NEMP2: variants seen among roughly 807,000 people sequenced by gnomAD.
The protein encoded by NEMP2 is nuclear envelope integral membrane protein 2.
A neutral mutation model predicts 54.2 loss-of-function variants in NEMP2; 53 were observed. That is an observed-to-expected ratio of 0.98 (90% CI 0.78 to 1.23). The LOEUF is 1.23. Ranked by LOEUF, NEMP2 falls within the 50% of genes most tolerant of loss-of-function variation. The pLI, the probability that NEMP2 is intolerant of heterozygous loss-of-function variation, is 0.00. For synonymous variants in NEMP2, 197 were observed against 190.3 expected (o/e 1.04, Z -0.29); for missense variants, 455 against 511.3 (o/e 0.89, Z 1.06).
the NEMP2 span, chr2:190,469,752 T>TA: frequency 1.4e-6 from 2 of 1,447,842 alleles, no homozygotes; most frequent in Non-Finnish European, 1.8e-6. The surrounding 1 kb of genome is among the most constrained non-coding windows in gnomAD (Gnocchi z 5.3). Flanking sequence ...TTTTATTTTT[T>TA]TTTAGGGTTC....
the NEMP2 span, chr2:190,568,061 AT>A: frequency 6.6e-6 from 1 of 152,238 alleles, no homozygotes; most frequent in African/African-American, 2.4e-5. This position sits in a 1 kb window ranked among gnomAD's most constrained non-coding sequence, Gnocchi z 4.7. Flanking sequence ...TGTCTCATGT[AT>A]CCTTTTACAG....
At chr2:190,441,308 C>T in the NEMP2 span, among the ~76,000 whole-genome samples, 1 of 152,010 alleles carries the variant, frequency 6.6e-6, no homozygotes, top group Non-Finnish European at 1.5e-5. Context: ...GCTTTTAAAG[C>T]TCCTAATGCC....
the NEMP2 span, among the ~76,000 whole-genome samples, chr2:190,482,835 G>A: frequency 7.1e-6 from 1 of 140,410 alleles, no homozygotes; most frequent in South Asian, 2.4e-4. Flanking sequence ...CAGCTCTTCA[G>A]AAAGGGTGGA....
Position 190,527,398 on chromosome 2 carries a change from G to A in NEMP2, c.98-2020C>T, listed in dbSNP as rs551526274. On this transcript the variant is annotated intron_variant, in intron 1 of 8. Coordinates refer to ENST00000409150, the MANE Select transcript of NEMP2 (RefSeq NM_001142645.2). The surrounding 1 kb of genome is among the most constrained non-coding windows in gnomAD (Gnocchi z 4.0). ...TGGGGAAAGGATCCTGGGAATGCTC[G>A]CCATCTCCCAGAACACAACTCCATA... Among the ~76,000 whole-genome samples the A allele has an allele frequency of 2.0e-5, 3 of 152,104 alleles. No individual in the cohort carries two copies. Among genetic ancestry groups the A allele is most frequent in the East Asian group, 1.9e-4 (1 of 5,200 alleles).
At chr2:190,550,679 G>T in the NEMP2 span, among the ~76,000 whole-genome samples, 1 of 151,958 alleles carries the variant, frequency 6.6e-6, no homozygotes, top group Non-Finnish European at 1.5e-5. The surrounding 1 kb of genome is among the most constrained non-coding windows in gnomAD (Gnocchi z 4.7). Context: ...TCTGCATTTT[G>T]TACAAATGTA....
the NEMP2 span, chr2:190,489,713 G>A: frequency 2.7e-6 from 4 of 1,491,970 alleles, no homozygotes; most frequent in African/African-American, 1.4e-5. This position sits in a 1 kb window ranked among gnomAD's most constrained non-coding sequence, Gnocchi z 6.6. Flanking sequence ...GGTTTTAGAT[G>A]AGCGCTATCT....
the NEMP2 span, chr2:190,477,323 C>A: frequency 1.0e-6 from 1 of 984,484 alleles, no homozygotes; most frequent in Admixed American, 6.2e-5. Flanking sequence ...CCTGACCTGG[C>A]TTAATTGCTT....
At chr2:190,632,458 A>C in the NEMP2 span, among the ~76,000 whole-genome samples, 1 of 152,384 alleles carries the variant, frequency 6.6e-6, no homozygotes, top group African/African-American at 2.4e-5. The surrounding 1 kb of genome is among the most constrained non-coding windows in gnomAD (Gnocchi z 4.8). Context: ...CTAAGCCCTT[A>C]AATTTATCCC....
the NEMP2 span, among the ~76,000 whole-genome samples, chr2:190,643,838 T>C: frequency 6.6e-6 from 1 of 152,100 alleles, no homozygotes; most frequent in Non-Finnish European, 1.5e-5. Context: ...GGTGGGAAGA[T>C]GACTGGAGCC....
At chr2:190,640,787 ATTTTTTTTTTTTTT>A in the NEMP2 span, among the ~76,000 whole-genome samples, 3 of 118,022 alleles carry the variant, frequency 2.5e-5, no homozygotes, top group African/African-American at 3.5e-5. Flanking sequence ...AACACATTCA[ATTTTTTTTTTTTTT>A]TTTTTTTTTT....
chr2:190,567,566 A>G, the NEMP2 span, among the ~76,000 whole-genome samples: 29 of 152,304 alleles, frequency 1.9e-4, no homozygotes, highest in African/African-American at 6.7e-4. This position sits in a 1 kb window ranked among gnomAD's most constrained non-coding sequence, Gnocchi z 4.0. Flanking sequence ...AGGTATCAGA[A>G]TGCATCAGAC....
At chr2:190,611,205 A>G in the NEMP2 span, among the ~76,000 whole-genome samples, 1 of 152,230 alleles carries the variant, frequency 6.6e-6, no homozygotes, top group Admixed American at 6.5e-5. The surrounding 1 kb of genome is among the most constrained non-coding windows in gnomAD (Gnocchi z 5.4). Flanking sequence ...ACATACACTA[A>G]GATGTATCAG....
At chr2:190,632,012 C>T in the NEMP2 span, among the ~76,000 whole-genome samples, 1 of 152,030 alleles carries the variant, frequency 6.6e-6, no homozygotes, top group African/African-American at 2.4e-5. This position sits in a 1 kb window ranked among gnomAD's most constrained non-coding sequence, Gnocchi z 4.8. Flanking sequence ...ACTGAGATAA[C>T]GCCACTGCAC....
At chr2:190,496,697 T>C in the NEMP2 span, among the ~76,000 whole-genome samples, 1 of 151,878 alleles carries the variant, frequency 6.6e-6, no homozygotes, top group African/African-American at 2.4e-5. The surrounding 1 kb of genome is among the most constrained non-coding windows in gnomAD (Gnocchi z 4.7). Flanking sequence ...CACACACACA[T>C]ATACATACAT....
chr2:190,538,705 T>G (rs7569979), upstream of NEMP2, among the ~76,000 whole-genome samples: 149,864 of 152,162 alleles, frequency 0.98, 73,811 homozygotes, highest in East Asian at 1. The surrounding 1 kb of genome is among the most constrained non-coding windows in gnomAD (Gnocchi z 4.1). Flanking sequence ...CTTTCCTGAT[T>G]ATTTTGGATG....
chr2:190,646,849 A>T, the NEMP2 span: 1 of 152,238 alleles, frequency 6.6e-6, no homozygotes, highest in South Asian at 2.1e-4. Flanking sequence ...TAGAAGGCTC[A>T]ATAGTTCAGG....
At chr2:190,452,742 A>G in the NEMP2 span, among the ~76,000 whole-genome samples, 18 of 152,102 alleles carry the variant, frequency 1.2e-4, no homozygotes, top group Non-Finnish European at 2.5e-4. Flanking sequence ...TGAGATCTCC[A>G]TCCCTGTAAA....
At chr2:190,644,896 A>C in the NEMP2 span, among the ~76,000 whole-genome samples, 233 of 152,226 alleles carry the variant, frequency 1.5e-3, 1 homozygote, top group African/African-American at 5.2e-3. This position sits in a 1 kb window ranked among gnomAD's most constrained non-coding sequence, Gnocchi z 4.4. Flanking sequence ...ACCTAAAATA[A>C]AAGTTAAAAA....
chr2:190,436,990 A>G, the NEMP2 span: 2 of 1,614,196 alleles, frequency 1.2e-6, no homozygotes, highest in Non-Finnish European at 1.7e-6. This position sits in a 1 kb window ranked among gnomAD's most constrained non-coding sequence, Gnocchi z 5.3. Context: ...GGGAAAACAC[A>G]GAGATCGCTA....
Sources: gnomAD v4.1 joint callset for allele counts (sites outside exome capture counted in the v4.1 genomes callset) on GRCh38, gnomAD v4.1.1 for gene constraint, Gnocchi (gnomAD v3.1) non-coding constraint, MANE v1.5 for transcripts, NCBI Gene and HGNC (gene_info 2026-07-23, HGNC 2026-07-21) for gene names.